Variants in RPS6KA2 observed in about 807,000 individuals in gnomAD.
RPS6KA2 encodes ribosomal protein S6 kinase A2.
Under a neutral mutation model 91.8 loss-of-function variants are expected in RPS6KA2, and 42 were observed. The observed-to-expected ratio is 0.46, with a 90% confidence interval of 0.36 to 0.59. The LOEUF is 0.59. RPS6KA2 is among the 20% of genes least tolerant of loss of function. RPS6KA2 has a pLI of 0.00. For missense variants in RPS6KA2, 798 were observed against 978.5 expected, an observed-to-expected ratio of 0.82 and a Z score of 2.46; for synonymous variants, 414 against 393.6, an observed-to-expected ratio of 1.05 and a Z score of -0.61.
intron 1 of RPS6KA2, among the ~76,000 whole-genome samples, chr6:166,576,739 GA>G (rs1479419996): frequency 6.6e-6 from 1 of 152,324 alleles, no homozygotes; most frequent in East Asian, 1.9e-4. Flanking sequence ...CTGACAATGT[GA>G]TAGGAAAGAA....
intron 2 of RPS6KA2, among the ~76,000 whole-genome samples, chr6:166,747,196 C>A (rs898204107): frequency 1.5e-4 from 23 of 152,186 alleles, no homozygotes; most frequent in African/African-American, 4.6e-4. Context: ...ACCCTCTAAT[C>A]CTGCCTGTGG....
chr6:166,652,202 A>G (rs1787875018), intron 2 of RPS6KA2, among the ~76,000 whole-genome samples: 1 of 152,240 alleles, frequency 6.6e-6, no homozygotes. Flanking sequence ...ATTCGCGGGT[A>G]TTATATCTTC....
At chr6:166,488,775 T>C (rs1781496113) in intron 10 of RPS6KA2, 58 bp downstream of exon 10, 3 of 1,380,644 alleles carry the variant, frequency 2.2e-6, no homozygotes, top group Non-Finnish European at 3.1e-6. Context: ...ATCTCCACTG[T>C]AGCTTGCGGG....
intron 10 of RPS6KA2, among the ~76,000 whole-genome samples, chr6:166,480,898 C>T (rs750194475): frequency 9.9e-5 from 15 of 152,220 alleles, no homozygotes; most frequent in Non-Finnish European, 1.9e-4. Flanking sequence ...GATCCACACG[C>T]CTCGGCTGGG....
chr6:166,509,516 T>G (rs1431171077), intron 4 of RPS6KA2: 1 of 160,886 alleles, frequency 6.2e-6, no homozygotes. Context: ...GTCCTCAGAT[T>G]CACGCAAATC....
intron 2 of RPS6KA2, among the ~76,000 whole-genome samples, chr6:166,687,092 G>C (rs910131626): frequency 6.6e-6 from 1 of 152,168 alleles, no homozygotes; most frequent in African/African-American, 2.4e-5. Context: ...ACTCTGCCTG[G>C]GCCGTGGAGA....
At chr6:166,586,538 G>C in intron 1 of RPS6KA2, 2 of 1,498,670 alleles carry the variant, frequency 1.3e-6, no homozygotes, top group Non-Finnish European at 1.8e-6. Context: ...GTTTAAATCC[G>C]CCAAGGGCTA....
At chr6:166,545,636 TGAG>T (rs1562570174) in intron 1 of RPS6KA2, among the ~76,000 whole-genome samples, 1 of 152,236 alleles carries the variant, frequency 6.6e-6, no homozygotes, top group East Asian at 1.9e-4. Context: ...TTTTAGTGAC[TGAG>T]GAGAGAGGAA....
Position 166,641,808 on chromosome 6 carries a change from G to A in RPS6KA2, c.124-103024C>T, listed in dbSNP as rs142558388. ...AGCAGTTTGGGCAAAGTCCAACAAA[G>A]AGTTGGTAAAAGAGACGTTGGATCT... On this transcript the variant is annotated intron_variant, in intron 2 of 21. Transcript: ENST00000503859. 1.3e-3 allele frequency among the ~76,000 whole-genome samples: 170 copies of A among 129,858 alleles called. 1 individual carries two copies. The highest frequency in any genetic ancestry group is 4.7e-3 in the African/African-American group (164 of 35,140). 85.2% of individuals were successfully genotyped at this position (129,858 alleles called of 152,430 possible).
At chr6:166,581,583 C>A (rs2128516087) in intron 1 of RPS6KA2, among the ~76,000 whole-genome samples, 1 of 152,208 alleles carries the variant, frequency 6.6e-6, no homozygotes, top group Non-Finnish European at 1.5e-5. Context: ...GTATGCGGGG[C>A]AGTGGGTGGG....
chr6:166,780,067 T>C (rs1583108935), intron 2 of RPS6KA2, among the ~76,000 whole-genome samples: 1 of 152,336 alleles, frequency 6.6e-6, no homozygotes, highest in Non-Finnish European at 1.5e-5. Flanking sequence ...GAGGCCTTGC[T>C]AATTTCTCAG....
intron 2 of RPS6KA2, among the ~76,000 whole-genome samples, chr6:166,828,497 G>A (rs1183109524): frequency 6.6e-6 from 1 of 152,220 alleles, no homozygotes; most frequent in African/African-American, 2.4e-5. Flanking sequence ...AGTAGAGCAA[G>A]TACTTTATCT....
chr6:166,832,239 GC>G (rs1314659869), intron 2 of RPS6KA2, among the ~76,000 whole-genome samples: 1 of 152,164 alleles, frequency 6.6e-6, no homozygotes, highest in Non-Finnish European at 1.5e-5. Context: ...AATTTGCCTG[GC>G]CTGGGAGGAA....
At position 166,445,566 on chromosome 6, in the gene RPS6KA2, C is replaced by T. The variant is rs1190223721; in HGVS notation, c.1332+3158G>A. 1.3e-5 allele frequency among the ~76,000 whole-genome samples: 2 copies of T among 152,176 alleles called. No homozygotes were observed. Among genetic ancestry groups the T allele is most frequent in the Admixed American group, 1.3e-4 (2 of 15,276 alleles). On this transcript the variant is annotated intron_variant, in intron 14 of 20. Transcript: ENST00000265678. The surrounding 1 kb of genome is among the most constrained non-coding windows in gnomAD (Gnocchi z 4.5). ...AAAGTCTCCAGACATTGCCAGTGTC[C>T]CCTGGGGGCCACAGTTACCCCAAAT... is the stretch of plus-strand genomic sequence containing the variant.
intron 2 of RPS6KA2, among the ~76,000 whole-genome samples, chr6:166,755,443 A>C (rs111485831): frequency 0.016 from 2,384 of 152,254 alleles, 41 homozygotes; most frequent in Middle Eastern, 0.031. Context: ...GAACAGAAAG[A>C]GATGTGTTTA....
At chr6:166,431,917 C>T (rs543608690) in intron 15 of RPS6KA2, among the ~76,000 whole-genome samples, 77 of 152,234 alleles carry the variant, frequency 5.1e-4, no homozygotes, top group Non-Finnish European at 8.5e-4. Context: ...TGTGAGCCAC[C>T]GCACCCGGCC....
At position 166,498,279 on chromosome 6, in the gene RPS6KA2, C is replaced by T. The variant is rs150649322; in HGVS notation, c.747+229G>A. On this transcript the variant is annotated intron_variant, in intron 8 of 20. Coordinates refer to ENST00000265678, the MANE Select transcript of RPS6KA2 (RefSeq NM_021135.6). ...CATAAAGAGGGTTCGACTCCTCCCA[C>T]GTCTGCGTTTCTGCGTTCTCGTTTG... is the stretch of plus-strand genomic sequence containing the variant. Among the ~76,000 whole-genome samples, 172 of 152,378 alleles carry T rather than the reference C, an allele frequency of 1.1e-3. 1 individual carries two copies. Among genetic ancestry groups the T allele is most frequent in the Admixed American group, 9.3e-3 (142 of 15,312 alleles).
At chr6:166,558,862 G>C (rs1482663759) in intron 1 of RPS6KA2, among the ~76,000 whole-genome samples, 1 of 152,182 alleles carries the variant, frequency 6.6e-6, no homozygotes, top group Non-Finnish European at 1.5e-5. Context: ...TGCTATGAAG[G>C]TAAATTCAGT....
Position 166,423,566 on chromosome 6 carries a change from G to A in RPS6KA2, c.1582-149C>T. Reference sequence around the variant, plus strand: ...CAACAGGCCAACAGTGTCAACAGCTGCTGTCTTCTCCAGAGGGCCCCCCAC... The same window carrying A: ...CAACAGGCCAACAGTGTCAACAGCTACTGTCTTCTCCAGAGGGCCCCCCAC... On this transcript the variant is annotated intron_variant, in intron 16 of 20. Coordinates refer to ENST00000265678, the MANE Select transcript of RPS6KA2 (RefSeq NM_021135.6). This position sits in a 1 kb window ranked among gnomAD's most constrained non-coding sequence, Gnocchi z 4.8. 1 of 702,444 alleles carries A rather than the reference G, an allele frequency of 1.4e-6. No homozygotes were observed. Among genetic ancestry groups the A allele is most frequent in the Non-Finnish European group, 2.3e-6 (1 of 437,460 alleles). The allele number at this position is 702,444 out of a possible 1,614,324, so 43.5% of individuals were successfully genotyped here. A position where few individuals can be genotyped will look rare whatever the true frequency, so the allele number is the denominator to read the frequency against.
Sources: gnomAD v4.1 joint callset for allele counts (sites outside exome capture counted in the v4.1 genomes callset) on GRCh38, gnomAD v4.1.1 for gene constraint, Gnocchi (gnomAD v3.1) non-coding constraint, MANE v1.5 for transcripts, NCBI Gene and HGNC (gene_info 2026-07-23, HGNC 2026-07-21) for gene names.